The following SUGCT variants were observed in gnomAD, a reference collection of about 807,000 sequenced individuals.
The protein encoded by SUGCT is succinyl-CoA:glutarate-CoA transferase.
Under a neutral mutation model 55.0 loss-of-function variants are expected in SUGCT, and 41 were observed. The ratio of observed to expected loss-of-function variants is 0.74; its 90% CI spans 0.58 to 0.97. SUGCT has a LOEUF of 0.97. Ranked by LOEUF, SUGCT falls within the 50% of genes least tolerant of loss-of-function variation. The pLI, the probability that SUGCT is intolerant of heterozygous loss-of-function variation, is 0.00. For missense variants in SUGCT, 568 were observed against 547.8 expected (o/e 1.04, Z -0.37); for synonymous variants, 187 against 200.4 (o/e 0.93, Z 0.56).
chr7:40,981,193 C>G, the SUGCT span, among the ~76,000 whole-genome samples: 4 of 152,232 alleles, frequency 2.6e-5, no homozygotes, highest in East Asian at 7.7e-4. Flanking sequence ...CACTCTGGAC[C>G]AGTGATAGGA....
intron 12 of SUGCT, among the ~76,000 whole-genome samples, chr7:40,663,013 T>C (rs1233540018): frequency 6.6e-6 from 1 of 152,182 alleles, no homozygotes; most frequent in Non-Finnish European, 1.5e-5. Context: ...AATGTGACAG[T>C]CATTAGTATA....
chr7:40,240,196 C>G (rs554494531), intron 7 of SUGCT, among the ~76,000 whole-genome samples: 10 of 152,242 alleles, frequency 6.6e-5, no homozygotes, highest in Non-Finnish European at 1.3e-4. Context: ...TGAAAAGAAT[C>G]AGGCCAGCTT....
chr7:40,188,569 C>G lies in SUGCT; in HGVS notation c.301C>G (p.Arg101Gly). ...TESTYYLSVN[R>G]NKKSIAVNIK... is the part of the protein sequence containing the mutation. ...AAGTACATATTATCTCAGTGTTAAC[C>G]GAAATAAAAAAGTAAGAATATCATC... Residue 101 changes from arginine to glycine, a missense_variant, in exon 4 of 14, where the codon CGA (arginine) becomes GGA (glycine). Coordinates refer to ENST00000335693, the MANE Select transcript of SUGCT (RefSeq NM_001193313.2). 6.3e-7 allele frequency: 1 copy of G among 1,598,364 alleles called. No individual in the cohort carries two copies. The highest frequency in any genetic ancestry group is 8.5e-7 in the Non-Finnish European group (1 of 1,174,838).
chr7:40,544,746 T>C (rs1404960819), intron 12 of SUGCT, among the ~76,000 whole-genome samples: 1 of 152,128 alleles, frequency 6.6e-6, no homozygotes, highest in African/African-American at 2.4e-5. Context: ...CAGTTTTCAC[T>C]AGGGAAATCA....
At chr7:40,331,703 G>A (rs1042223953) in intron 9 of SUGCT, among the ~76,000 whole-genome samples, 2 of 152,322 alleles carry the variant, frequency 1.3e-5, no homozygotes, top group East Asian at 3.9e-4. Flanking sequence ...TCATGGAGAA[G>A]TCTTCCTTTT....
At chr7:40,817,572 A>C (rs147983032) in intron 13 of SUGCT, among the ~76,000 whole-genome samples, 2 of 152,204 alleles carry the variant, frequency 1.3e-5, no homozygotes, top group Non-Finnish European at 2.9e-5. Context: ...AATAATGATA[A>C]TTTTTGTCTT....
At chr7:40,153,439 A>G (rs539964436) in intron 1 of SUGCT, 8 of 374,382 alleles carry the variant, frequency 2.1e-5, no homozygotes, top group Non-Finnish European at 4.2e-5. Flanking sequence ...TTGAATATCC[A>G]TGATAATGAA....
intron 9 of SUGCT, among the ~76,000 whole-genome samples, chr7:40,409,318 C>T (rs1241555704): frequency 6.6e-6 from 1 of 150,970 alleles, no homozygotes; most frequent in Non-Finnish European, 1.5e-5. Flanking sequence ...GGCTGTATTG[C>T]AATGGTGCGA....
intron 12 of SUGCT, among the ~76,000 whole-genome samples, chr7:40,522,547 T>C (rs1027374261): frequency 6.6e-6 from 1 of 152,138 alleles, no homozygotes; most frequent in African/African-American, 2.4e-5. Flanking sequence ...ATGTGTTTTC[T>C]GTCTCCTCAC....
At chr7:40,689,984 G>T (rs1784622762) in intron 12 of SUGCT, among the ~76,000 whole-genome samples, 1 of 152,178 alleles carries the variant, frequency 6.6e-6, no homozygotes, top group Admixed American at 6.5e-5. Context: ...CACAGAATGG[G>T]AAATTAATAT....
chr7:40,796,968 A>C, intron 13 of SUGCT, among the ~76,000 whole-genome samples: 1 of 152,294 alleles, frequency 6.6e-6, no homozygotes, highest in Middle Eastern at 3.4e-3. Flanking sequence ...GAATGTCCAA[A>C]GAGCAAGGCA....
the SUGCT span, among the ~76,000 whole-genome samples, chr7:40,935,068 T>A: frequency 6.6e-6 from 1 of 152,186 alleles, no homozygotes; most frequent in South Asian, 2.1e-4. Context: ...GACCCAAAAC[T>A]CTAATTTTAA....
chr7:40,847,014 T>A (rs554507654), intron 13 of SUGCT, among the ~76,000 whole-genome samples: 2 of 152,338 alleles, frequency 1.3e-5, no homozygotes, highest in African/African-American at 4.8e-5. Flanking sequence ...AGTATCATCA[T>A]TCCACTGGCC....
chr7:40,569,245 G>C (rs1216902052), intron 12 of SUGCT, among the ~76,000 whole-genome samples: 1 of 152,080 alleles, frequency 6.6e-6, no homozygotes, highest in Non-Finnish European at 1.5e-5. Context: ...GTGATCCTAG[G>C]GAAACACTCA....
At chr7:40,305,136 C>T (rs1261790784) in intron 8 of SUGCT, among the ~76,000 whole-genome samples, 1 of 152,138 alleles carries the variant, frequency 6.6e-6, no homozygotes, top group Non-Finnish European at 1.5e-5. Flanking sequence ...TATGTTTATC[C>T]ATCTGGTATG....
chr7:40,872,058 A>G, the SUGCT span, among the ~76,000 whole-genome samples: 5 of 152,136 alleles, frequency 3.3e-5, no homozygotes, highest in Admixed American at 3.3e-4. Context: ...ACTGGCATCC[A>G]GGGAGTAGAA....
chr7:40,578,441 G>A (rs1001019168), intron 12 of SUGCT, among the ~76,000 whole-genome samples: 4 of 152,040 alleles, frequency 2.6e-5, no homozygotes, highest in African/African-American at 9.7e-5. Context: ...GTATCTGGAT[G>A]TTTAAAAGCT....
chr7:40,887,904 G>A, the SUGCT span, among the ~76,000 whole-genome samples: 3 of 152,190 alleles, frequency 2.0e-5, no homozygotes, highest in African/African-American at 7.2e-5. Flanking sequence ...GGGGGTTGGA[G>A]AGTGCTTTCA....
the SUGCT span, among the ~76,000 whole-genome samples, chr7:40,866,661 A>C: frequency 1.2e-4 from 18 of 151,810 alleles, no homozygotes; most frequent in Non-Finnish European, 4.4e-5. Flanking sequence ...GTAGCCAGTG[A>C]CTTGGGCTCC....
Sources: allele counts gnomAD v4.1 joint callset (sites outside exome capture counted in the v4.1 genomes callset), GRCh38; gene constraint gnomAD v4.1.1; transcripts MANE v1.5; gene names NCBI Gene and HGNC (gene_info 2026-07-23, HGNC 2026-07-21).